LIMS1: variants seen among roughly 807,000 people sequenced by gnomAD.
LIMS1 encodes the protein LIM zinc finger domain containing 1.
A neutral mutation model predicts 44.1 loss-of-function variants in LIMS1; 18 were observed. The ratio of observed to expected loss-of-function variants is 0.41; its 90% CI spans 0.28 to 0.61. The LOEUF (loss-of-function observed/expected upper bound fraction) is 0.61. Among genes scored for constraint, LIMS1 ranks in the 20% least tolerant of loss-of-function variants. LIMS1 has a pLI of 0.32. For synonymous variants in LIMS1, 93 were observed against 149.1 expected (o/e 0.62, Z 2.74); for missense variants, 201 against 422.0 (o/e 0.48, Z 4.59).
chr2:108,539,040 T>C (rs1475638442), intron 1 of LIMS1, among the ~76,000 whole-genome samples: 2 of 152,202 alleles, frequency 1.3e-5, no homozygotes, highest in African/African-American at 2.4e-5. Flanking sequence ...GGTTCTATTT[T>C]TTAATTATCA....
chr2:108,657,368 A>G (rs1446302191), intron 1 of LIMS1, among the ~76,000 whole-genome samples: 2 of 152,308 alleles, frequency 1.3e-5, no homozygotes, highest in South Asian at 2.1e-4. Context: ...AGGGTTTAGA[A>G]TTAACAACAG....
At chr2:108,654,506 A>G (rs1242391332) in intron 1 of LIMS1, among the ~76,000 whole-genome samples, 3 of 152,058 alleles carry the variant, frequency 2.0e-5, no homozygotes, top group African/African-American at 7.2e-5. Flanking sequence ...CTCCTGGGGA[A>G]GGGACCCATC....
intron 1 of LIMS1, among the ~76,000 whole-genome samples, chr2:108,640,826 C>T (rs546261432): frequency 2.0e-4 from 30 of 152,262 alleles, no homozygotes; most frequent in East Asian, 7.7e-4. Flanking sequence ...TTTGAACATG[C>T]GCAATAAATT....
chr2:108,592,260 A>G (rs1167867296), intron 1 of LIMS1, among the ~76,000 whole-genome samples: 2 of 152,168 alleles, frequency 1.3e-5, no homozygotes, highest in African/African-American at 2.4e-5. Flanking sequence ...GTTTGTCAGA[A>G]CAGTTACAGG....
chr2:108,553,558 G>C (rs755047826), intron 1 of LIMS1, among the ~76,000 whole-genome samples: 4 of 152,234 alleles, frequency 2.6e-5, no homozygotes, highest in Admixed American at 6.5e-5. Context: ...TAGAAATAAT[G>C]ATAGTTTTTC....
At chr2:108,573,852 C>A (rs986734483) in intron 1 of LIMS1, among the ~76,000 whole-genome samples, 15 of 152,060 alleles carry the variant, frequency 9.9e-5, no homozygotes, top group African/African-American at 3.6e-4. Flanking sequence ...TGACCTTGGG[C>A]CAAGATCAGG....
intron 8 of LIMS1, among the ~76,000 whole-genome samples, chr2:108,680,365 C>CAAAA (rs35982119): frequency 1.5e-5 from 1 of 68,208 alleles, no homozygotes; most frequent in African/African-American, 5.9e-5. Context: ...GATTCCGTCT[C>CAAAA]AAAAAAAAAA....
chr2:108,589,228 G>C (rs773340297), intron 1 of LIMS1, among the ~76,000 whole-genome samples: 2 of 151,206 alleles, frequency 1.3e-5, no homozygotes, highest in Non-Finnish European at 2.9e-5. Flanking sequence ...TTTTTAATTG[G>C]CACATTTATT....
intron 7 of LIMS1, 118 bp downstream of exon 7, chr2:108,676,816 A>T (rs537044323): frequency 1.4e-4 from 108 of 745,430 alleles, no homozygotes; most frequent in Middle Eastern, 8.0e-4. Flanking sequence ...TTTGTTTTTA[A>T]CTTTTTATTT....
intron 1 of LIMS1, among the ~76,000 whole-genome samples, chr2:108,617,581 A>G (rs1355002182): frequency 6.6e-6 from 1 of 152,228 alleles, no homozygotes; most frequent in Non-Finnish European, 1.5e-5. Context: ...AATTGGTTGA[A>G]CAACTAAAAC....
At chr2:108,589,589 T>C (rs1459356385) in intron 1 of LIMS1, among the ~76,000 whole-genome samples, 3 of 152,172 alleles carry the variant, frequency 2.0e-5, no homozygotes, top group Non-Finnish European at 4.4e-5. Context: ...TTCCATGAGG[T>C]GTAATATTAG....
intron 1 of LIMS1, among the ~76,000 whole-genome samples, chr2:108,641,036 G>A (rs760131715): frequency 7.9e-5 from 12 of 152,252 alleles, no homozygotes; most frequent in Non-Finnish European, 1.6e-4. Context: ...CATCTGGCAT[G>A]TGTCTTTCTG....
chr2:108,624,420 A>G (rs1427314859), intron 1 of LIMS1, among the ~76,000 whole-genome samples: 1 of 152,238 alleles, frequency 6.6e-6, no homozygotes, highest in Non-Finnish European at 1.5e-5. Flanking sequence ...TAGAAACAGT[A>G]CAAAATTGAA....
intron 1 of LIMS1, among the ~76,000 whole-genome samples, chr2:108,647,766 C>T (rs1211881431): frequency 3.9e-5 from 6 of 152,134 alleles, no homozygotes; most frequent in Admixed American, 6.6e-5. Context: ...TTCAACAGTG[C>T]TTCATACTAA....
intron 1 of LIMS1, among the ~76,000 whole-genome samples, chr2:108,551,183 A>C (rs1573310015): frequency 6.6e-6 from 1 of 151,768 alleles, no homozygotes; most frequent in East Asian, 1.9e-4. Context: ...AAATGCTATA[A>C]AATTCACTTG....
chr2:108,534,308 C>G (rs1476631327), upstream of LIMS1: 2 of 187,698 alleles, frequency 1.1e-5, no homozygotes, highest in African/African-American at 4.8e-5. Flanking sequence ...CCTCTCCAGT[C>G]CGCGCCCTTC....
At chr2:108,627,769 A>G (rs1688663973) in intron 1 of LIMS1, among the ~76,000 whole-genome samples, 1 of 152,224 alleles carries the variant, frequency 6.6e-6, no homozygotes, top group Non-Finnish European at 1.5e-5. Context: ...CTCATTGGCT[A>G]TTCTGTGACT....
In LIMS1 at chr2:108,671,813, T is replaced by C. The variant is rs369424219; in HGVS notation, c.260-512T>C. Among the ~76,000 whole-genome samples the C allele has an allele frequency of 5.0e-3, 761 of 152,296 alleles. 8 individuals carry two copies. Among genetic ancestry groups the C allele is most frequent in the African/African-American group, 0.015 (618 of 41,570 alleles). On this transcript the variant is annotated intron_variant, in intron 3 of 9. Coordinates refer to ENST00000544547, the Ensembl canonical transcript of LIMS1. ...ACAAAACAGCCCAAAAATGTGGCTGTTGAATCAAAAACAAAAATTCAGATG... is the reference window on the plus strand; with the variant it reads ...ACAAAACAGCCCAAAAATGTGGCTGCTGAATCAAAAACAAAAATTCAGATG...
At chr2:108,593,236 TTC>T (rs1686497774) in intron 1 of LIMS1, among the ~76,000 whole-genome samples, 1 of 152,208 alleles carries the variant, frequency 6.6e-6, no homozygotes, top group Non-Finnish European at 1.5e-5. Context: ...CTCATGGTTT[TTC>T]TCTACTTCCA....
Sources: gnomAD v4.1 joint callset for allele counts (sites outside exome capture counted in the v4.1 genomes callset) on GRCh38, gnomAD v4.1.1 for gene constraint, MANE v1.5 for transcripts, NCBI Gene and HGNC (gene_info 2026-07-23, HGNC 2026-07-21) for gene names.